Variants in PRDM5 observed in about 807,000 individuals in gnomAD.
PRDM5 encodes the protein PR/SET domain 5.
In PRDM5, 56 loss-of-function variants were observed where a neutral mutation model predicts 81.2. The observed-to-expected ratio is 0.69, with a 90% CI of 0.56 to 0.86. The LOEUF (loss-of-function observed/expected upper bound fraction) is 0.86, where lower values mean the gene tolerates loss of function less well. Among genes scored for constraint, PRDM5 ranks in the 40% least tolerant of loss-of-function variants. The pLI is 0.00. For synonymous variants in PRDM5, 267 were observed against 256.4 expected (o/e 1.04, Z -0.39); for missense variants, 697 against 770.1 (o/e 0.91, Z 1.12).
At chr4:120,825,733 A>G (rs1449329488) in intron 3 of PRDM5, among the ~76,000 whole-genome samples, 1 of 152,110 alleles carries the variant, frequency 6.6e-6, no homozygotes, top group Admixed American at 6.6e-5. Context: ...TTTGAAATAA[A>G]TCTGCCTGCC....
chr4:120,769,147 T>C (rs1163225394), intron 13 of PRDM5, among the ~76,000 whole-genome samples: 1 of 152,242 alleles, frequency 6.6e-6, no homozygotes, highest in Non-Finnish European at 1.5e-5. Context: ...TTTACTATCA[T>C]ACAGGTAATG....
Position 120,847,063 on chromosome 4 carries a change from T to C in PRDM5, c.300+6355A>G, listed in dbSNP as rs79482115. On this transcript the variant is annotated intron_variant, in intron 3 of 15. Coordinates refer to ENST00000264808, the MANE Select transcript of PRDM5 (RefSeq NM_018699.4). ...TCCTTCTGAGTCTGTATCAAGTGTT[T>C]GCCTTTTCCATTTACTCTAACCTTA... is the stretch of plus-strand genomic sequence containing the variant. Among the ~76,000 whole-genome samples, 1,078 of 152,184 alleles carry C rather than the reference T, an allele frequency of 7.1e-3. 12 individuals carry two copies. The highest frequency in any genetic ancestry group is 0.025 in the African/African-American group (1,035 of 41,508).
chr4:120,712,122 C>T (rs1280693513), intron 14 of PRDM5, among the ~76,000 whole-genome samples: 1 of 151,886 alleles, frequency 6.6e-6, no homozygotes, highest in African/African-American at 2.4e-5. Flanking sequence ...CCCGTCTCTA[C>T]TAAAAATACA....
At chr4:120,747,336 A>G (rs1327186400) in intron 14 of PRDM5, among the ~76,000 whole-genome samples, 1 of 150,530 alleles carries the variant, frequency 6.6e-6, no homozygotes, top group African/African-American at 2.4e-5. Flanking sequence ...CTAATGCTAG[A>G]TGACGAGTTA....
intron 3 of PRDM5, among the ~76,000 whole-genome samples, chr4:120,833,198 A>T (rs1756928925): frequency 6.6e-6 from 1 of 152,150 alleles, no homozygotes; most frequent in East Asian, 1.9e-4. Context: ...GAAATAAACG[A>T]TTAATGAGTT....
chr4:120,742,120 C>G (rs912932519), intron 14 of PRDM5, among the ~76,000 whole-genome samples: 1 of 152,208 alleles, frequency 6.6e-6, no homozygotes, highest in Non-Finnish European at 1.5e-5. Context: ...GTCCCTGACC[C>G]CTGACCCCCC....
Position 120,922,696 on chromosome 4 carries a change from G to C in PRDM5, c.-88C>G. 6.6e-7 allele frequency: 1 copy of C among 1,515,192 alleles called. No individual in the cohort carries two copies. The highest frequency in any genetic ancestry group is 9.0e-7 in the Non-Finnish European group (1 of 1,116,772). The allele number at this position is 1,515,192 out of a possible 1,614,324, so 93.9% of individuals were successfully genotyped here. On this transcript the variant is annotated 5_prime_UTR_variant, in exon 1 of 16. Transcript: ENST00000264808. The stretch of plus-strand genomic sequence containing the variant: ...CATCGAAATTTGGGGTGCCAGGGTA[G>C]AGGGGAGAAACCGGCAGGGAAGGAG...
chr4:120,754,936 T>A (rs1015427893), intron 13 of PRDM5, among the ~76,000 whole-genome samples: 3 of 152,240 alleles, frequency 2.0e-5, no homozygotes, highest in Non-Finnish European at 4.4e-5. Flanking sequence ...CCAAATTAAA[T>A]CTCCTCATTT....
In PRDM5 at chr4:120,879,825, GGA is replaced by G. The variant is rs1047962380; in HGVS notation, c.178-26287_178-26286del. The stretch of plus-strand genomic sequence containing the variant: ...GAGATTCTGGAAAAGGCAAAACTAT[GGA>G]GATAGTTAAAAAAAAAATCAATGAC... On this transcript the variant is annotated intron_variant, in intron 2 of 15. Transcript: ENST00000264808. Among the ~76,000 whole-genome samples, 84 of 152,020 alleles carry G rather than the reference GGA, an allele frequency of 5.5e-4. 1 individual carries two copies. Among genetic ancestry groups the G allele is most frequent in the Middle Eastern group, 6.8e-3 (2 of 292 alleles).
At chr4:120,691,054 G>A (rs1382571389), downstream of PRDM5, among the ~76,000 whole-genome samples, 1 of 151,750 alleles carries the variant, frequency 6.6e-6, no homozygotes, top group Non-Finnish European at 1.5e-5. Flanking sequence ...TTTAATTTCA[G>A]GAAATTAAAT....
At chr4:120,747,534 C>A (rs1356224632) in intron 14 of PRDM5, among the ~76,000 whole-genome samples, 3 of 151,972 alleles carry the variant, frequency 2.0e-5, no homozygotes, top group Admixed American at 1.3e-4. Context: ...TAGATAAATT[C>A]AAAAGCGTCT....
At position 120,801,731 on chromosome 4, in the gene PRDM5, G is replaced by T. The variant is rs188987437; in HGVS notation, c.946-1986C>A. 3.0e-4 allele frequency among the ~76,000 whole-genome samples: 45 copies of T among 152,282 alleles called. No individual in the cohort carries two copies. In the East Asian group the frequency reaches 5.6e-3, roughly 19 times the overall value. On this transcript the variant is annotated intron_variant, in intron 8 of 15. Coordinates refer to ENST00000264808, the MANE Select transcript of PRDM5 (RefSeq NM_018699.4). Reference sequence around the variant, plus strand: ...AGACAAGAAAAACTTCCAGCCTGAGGCATGTTAAAGGCAGCCTCTTCAATC... The same window carrying T: ...AGACAAGAAAAACTTCCAGCCTGAGTCATGTTAAAGGCAGCCTCTTCAATC...
chr4:120,734,576 C>T (rs1002415767), intron 14 of PRDM5, among the ~76,000 whole-genome samples: 1 of 152,210 alleles, frequency 6.6e-6, no homozygotes, highest in Non-Finnish European at 1.5e-5. Context: ...AAGATTCAGA[C>T]AGAGCATGTG....
Position 120,822,635 on chromosome 4 carries a change from A to T in PRDM5, c.301-1290T>A, listed in dbSNP as rs1374493505. Among the ~76,000 whole-genome samples, 14 of 152,192 alleles carry T rather than the reference A, an allele frequency of 9.2e-5. 1 individual carries two copies. The highest frequency in any genetic ancestry group is 9.2e-4 in the Admixed American group (14 of 15,272). On this transcript the variant is annotated intron_variant, in intron 3 of 15. Coordinates refer to ENST00000264808, the MANE Select transcript of PRDM5 (RefSeq NM_018699.4). ...AATTGTACATACAGTTATTTTGAGG[A>T]TGGGAGAGGGGCTATATTCAACATT...
At chr4:120,831,768 C>T (rs896377273) in intron 3 of PRDM5, among the ~76,000 whole-genome samples, 8 of 151,994 alleles carry the variant, frequency 5.3e-5, no homozygotes, top group Non-Finnish European at 8.8e-5. Context: ...ATACTTAGAA[C>T]CAAGAAAGCT....
chr4:120,768,835 C>T (rs1398582304), intron 13 of PRDM5, among the ~76,000 whole-genome samples: 1 of 152,150 alleles, frequency 6.6e-6, no homozygotes, highest in Non-Finnish European at 1.5e-5. Context: ...CTCATTTAAG[C>T]ACTGTAAGTT....
At chr4:120,765,978 T>C (rs552200379) in intron 13 of PRDM5, among the ~76,000 whole-genome samples, 1 of 143,102 alleles carries the variant, frequency 7.0e-6, no homozygotes, top group South Asian at 2.1e-4. Flanking sequence ...TTTTTTTTTT[T>C]AGACAGAGTT....
chr4:120,697,154 C>T (rs1051093575), intron 15 of PRDM5, among the ~76,000 whole-genome samples: 3 of 152,076 alleles, frequency 2.0e-5, no homozygotes, highest in Admixed American at 6.6e-5. Flanking sequence ...TGCAAACACA[C>T]GCATACTGTA....
chr4:120,829,523 A>G (rs889140324), intron 3 of PRDM5, among the ~76,000 whole-genome samples: 1 of 152,082 alleles, frequency 6.6e-6, no homozygotes, highest in Non-Finnish European at 1.5e-5. Flanking sequence ...CAAAACAGTA[A>G]AAGTCTCTTG....
Sources: gnomAD v4.1 joint callset for allele counts (sites outside exome capture counted in the v4.1 genomes callset) on GRCh38, gnomAD v4.1.1 for gene constraint, MANE v1.5 for transcripts, NCBI Gene and HGNC (gene_info 2026-07-23, HGNC 2026-07-21) for gene names.